The following NR3C1 variants were observed in gnomAD, a reference collection of about 807,000 sequenced individuals.
The protein encoded by NR3C1 is glucocorticoid receptor.
In NR3C1, 14 loss-of-function variants were observed where a neutral mutation model predicts 74.0. The ratio of observed to expected loss-of-function variants is 0.19; its 90% CI spans 0.12 to 0.30. The LOEUF is 0.30. Among genes scored for constraint, NR3C1 ranks in the 10% least tolerant of loss-of-function variants. The pLI is 1.00. For synonymous variants in NR3C1, 308 were observed against 332.5 expected (o/e 0.93, Z 0.80); for missense variants, 695 against 909.8 (o/e 0.76, Z 3.04).
At chr5:143,336,173 T>C (rs927842423) in intron 2 of NR3C1, among the ~76,000 whole-genome samples, 3 of 152,250 alleles carry the variant, frequency 2.0e-5, no homozygotes, top group African/African-American at 7.2e-5. Context: ...AGTATGATGA[T>C]ATAATCTGTG....
In NR3C1 at chr5:143,399,960, G is replaced by T; in HGVS notation, c.880C>A (p.Gln294Lys). Reference sequence around the variant, plus strand: ...CAGTAAACTGTGCCCAGTTTCTCTTGCTTAATTACCCCAGGGGTGCAGAGT... The same window carrying T: ...CAGTAAACTGTGCCCAGTTTCTCTTTCTTAATTACCCCAGGGGTGCAGAGT... The part of the protein sequence containing the change: ...IELCTPGVIK[Q>K]EKLGTVYCQA... Residue 294 changes from glutamine (Q) to lysine (K), a missense_variant, in exon 2 of 9, where the codon CAA becomes AAA. By Grantham distance (53) the Gln-to-Lys change is moderately conservative. Coordinates refer to ENST00000394464, the MANE Select transcript of NR3C1 (RefSeq NM_000176.3). The T allele has an allele frequency of 6.2e-7, 1 of 1,614,134 alleles. No individual in the cohort carries two copies. The highest frequency in any genetic ancestry group is 2.2e-5 in the East Asian group (1 of 44,880).
rs753361222 is a variant in NR3C1 at position 143,300,802 on chromosome 5, A to G, written c.1469-39T>C. 6.3e-7 allele frequency: 1 copy of G among 1,581,014 alleles called. No homozygotes were observed. Among genetic ancestry groups the G allele is most frequent in the South Asian group, 1.1e-5 (1 of 89,970 alleles). ...AACAAATACATAGAAATGAACTGTA[A>G]TGGGAAGGTCTGCGCTACACAGTTT... On this transcript the variant is annotated intron_variant, in intron 4 of 8. Transcript: ENST00000394464. The surrounding 1 kb of genome is among the most constrained non-coding windows in gnomAD (Gnocchi z 5.2).
Position 143,281,768 on chromosome 5 carries a change from A to AAAC in NR3C1, c.*118_*120dup, listed in dbSNP as rs1281449743. The stretch of plus-strand genomic sequence containing the variant: ...CCACATGTAGTGCGTATTTAAAACA[A>AAAC]AACAACAGATGAAAACAATAAAAAA... On this transcript the variant is annotated 3_prime_UTR_variant, in exon 9 of 9. Transcript: ENST00000394464. The AAAC allele has an allele frequency of 2.6e-6, 3 of 1,156,798 alleles. No homozygotes were observed. The highest frequency in any genetic ancestry group is 3.7e-6 in the Non-Finnish European group (3 of 801,390). 71.7% of individuals were successfully genotyped at this position (1,156,798 alleles called of 1,614,324 possible).
At position 143,400,392 on chromosome 5, in the gene NR3C1, C is replaced by T; in HGVS notation, c.448G>A (p.Ala150Thr). ...TTTGGAAACTCCTTCTCTGTGGGGG[C>T]AGCAGACACAGCAGTGGATGCTGAA... is the stretch of plus-strand genomic sequence containing the variant. ...KSSASTAVSAAPTEKEFPKTH... is the reference protein window; with the variant it reads ...KSSASTAVSATPTEKEFPKTH... Residue 150 changes from alanine (A) to threonine (T), a missense_variant, in exon 2 of 9, where the codon GCC becomes ACC. Coordinates refer to ENST00000394464, the MANE Select transcript of NR3C1 (RefSeq NM_000176.3). 6.2e-7 allele frequency: 1 copy of T among 1,614,158 alleles called. No homozygotes were observed. The highest frequency in any genetic ancestry group is 8.5e-7 in the Non-Finnish European group (1 of 1,180,032).
chr5:143,292,419 A>G (rs529159725), intron 7 of NR3C1, among the ~76,000 whole-genome samples: 1 of 152,242 alleles, frequency 6.6e-6, no homozygotes, highest in Non-Finnish European at 1.5e-5. Context: ...AAGGCTAAGG[A>G]AGGGCTAGAA....
At chr5:143,435,013 A>T (rs1226279773) in exon 1 of NR3C1, 1 of 984,950 alleles carries the variant, frequency 1.0e-6, no homozygotes, top group Admixed American at 6.2e-5. Flanking sequence ...TGAATTTCCT[A>T]GTTCAGCTCA....
At chr5:143,403,732 C>T (rs945348028), upstream of NR3C1, 2 of 985,178 alleles carry the variant, frequency 2.0e-6, no homozygotes, top group Non-Finnish European at 2.4e-6. Context: ...CACTCCACCC[C>T]CGGCCGCTCC....
chr5:143,405,452 C>G (rs73797461), upstream of NR3C1: 3 of 708,726 alleles, frequency 4.2e-6, no homozygotes, highest in East Asian at 2.7e-4. Context: ...GTCGCCAGCC[C>G]GTCCCCGCGG....
intron 1 of NR3C1, among the ~76,000 whole-genome samples, chr5:143,418,549 T>A (rs1751041751): frequency 6.6e-6 from 1 of 152,228 alleles, no homozygotes; most frequent in African/African-American, 2.4e-5. Context: ...ATCTGCTGAA[T>A]GCCTCTGTGC....
intron 2 of NR3C1, among the ~76,000 whole-genome samples, chr5:143,336,529 G>A (rs1827155654): frequency 6.6e-6 from 1 of 152,100 alleles, no homozygotes; most frequent in Non-Finnish European, 1.5e-5. Context: ...CTCAAAAACT[G>A]GGGGTAAAGG....
chr5:143,356,166 T>G (rs1190212433), intron 2 of NR3C1, among the ~76,000 whole-genome samples: 2 of 152,188 alleles, frequency 1.3e-5, no homozygotes, highest in Non-Finnish European at 2.9e-5. Context: ...AAACTTACAG[T>G]AATAGTTTAT....
chr5:143,279,649 G>T lies in NR3C1; in HGVS notation c.*2240C>A. 2.4e-6 allele frequency: 1 copy of T among 413,936 alleles called. No individual in the cohort carries two copies. 25.6% of individuals were successfully genotyped at this position (413,936 alleles called of 1,614,324 possible). A position where few individuals can be genotyped will look rare whatever the true frequency, so the allele number is the denominator to read the frequency against. ...AAATAACATTCAAAAAGCATTCAAAGAAAACAAAAACATGTCCTCATTTTA... is the reference window on the plus strand; with the variant it reads ...AAATAACATTCAAAAAGCATTCAAATAAAACAAAAACATGTCCTCATTTTA... On this transcript the variant is annotated 3_prime_UTR_variant, in exon 9 of 9. Transcript: ENST00000394464.
chr5:143,405,257 C>T (rs1841035919), upstream of NR3C1: 3 of 985,742 alleles, frequency 3.0e-6, no homozygotes, highest in South Asian at 1.4e-4. Flanking sequence ...CATCGCTTGC[C>T]AGCTCCTGAC....
chr5:143,398,751 A>T lies in NR3C1; in HGVS notation c.1184+905T>A, dbSNP rs1037419104. On this transcript the variant is annotated intron_variant, in intron 2 of 8. Transcript: ENST00000394464. ...TGGGGATGAGGTTACGGGGTAGAGAAATTCACCCCTACCAACACGTATATC... is the reference window on the plus strand; with the variant it reads ...TGGGGATGAGGTTACGGGGTAGAGATATTCACCCCTACCAACACGTATATC... Among the ~76,000 whole-genome samples, 13 of 152,242 alleles carry T rather than the reference A, an allele frequency of 8.5e-5. No individual in the cohort carries two copies. The South Asian group carries it at 1.9e-3, about 22-fold the overall frequency.
chr5:143,384,652 G>A (rs753313048), intron 2 of NR3C1, among the ~76,000 whole-genome samples: 3 of 152,190 alleles, frequency 2.0e-5, no homozygotes, highest in Non-Finnish European at 2.9e-5. Flanking sequence ...TTGACTCCAC[G>A]TCTCATGTCC....
rs1362957315 is a variant in NR3C1 at position 143,279,280 on chromosome 5, CTTA to C, written c.*2606_*2608del. 6 of 1,470,628 alleles carry C rather than the reference CTTA, an allele frequency of 4.1e-6. No homozygotes were observed. Among genetic ancestry groups the C allele is most frequent in the African/African-American group, 1.4e-5 (1 of 69,994 alleles). The allele number at this position is 1,470,628 out of a possible 1,614,324, so 91.1% of individuals were successfully genotyped here. A position where few individuals can be genotyped will look rare whatever the true frequency, so the allele number is the denominator to read the frequency against. On this transcript the variant is annotated 3_prime_UTR_variant, in exon 9 of 9. Coordinates refer to ENST00000394464, the MANE Select transcript of NR3C1 (RefSeq NM_000176.3). ...ATAGTTGTCGATGAGCATCAGTTGA[CTTA>C]TTATTGACAACGAAGTGCACATAAT...
At chr5:143,339,141 G>A (rs951339870) in intron 2 of NR3C1, among the ~76,000 whole-genome samples, 2 of 152,044 alleles carry the variant, frequency 1.3e-5, no homozygotes, top group African/African-American at 2.4e-5. Context: ...TGATGACATC[G>A]CCTAATGATG....
chr5:143,418,317 G>T (rs1322657362), intron 1 of NR3C1, among the ~76,000 whole-genome samples: 1 of 152,188 alleles, frequency 6.6e-6, no homozygotes, highest in Non-Finnish European at 1.5e-5. Context: ...ACTGGGCTGG[G>T]ACAAGGGACT....
chr5:143,415,055 A>G (rs1841431814), intron 1 of NR3C1, among the ~76,000 whole-genome samples: 1 of 152,168 alleles, frequency 6.6e-6, no homozygotes, highest in South Asian at 2.1e-4. Flanking sequence ...AACTTTAGAT[A>G]TTACTTATGC....
Sources: allele counts gnomAD v4.1 joint callset (sites outside exome capture counted in the v4.1 genomes callset), GRCh38; gene constraint gnomAD v4.1.1; non-coding constraint Gnocchi (gnomAD v3.1); transcripts MANE v1.5; gene names NCBI Gene and HGNC (gene_info 2026-07-23, HGNC 2026-07-21).